Variants in AMMECR1 observed in about 807,000 individuals in gnomAD.
AMMECR1 encodes AMMECR nuclear protein 1, also known as nuclear protein AMMECR1.
A neutral mutation model predicts 22.5 loss-of-function variants in AMMECR1; 3 were observed. The observed-to-expected ratio is 0.13, with a 90% confidence interval of 0.06 to 0.35. The LOEUF (loss-of-function observed/expected upper bound fraction) is 0.35. AMMECR1 is among the 10% of genes least tolerant of loss of function. AMMECR1 has a pLI of 1.00. For missense variants in AMMECR1, 235 were observed against 278.7 expected, an observed-to-expected ratio of 0.84 and a Z score of 1.12; for synonymous variants, 130 against 116.7, an observed-to-expected ratio of 1.11 and a Z score of -0.74.
intron 2 of AMMECR1, among the ~76,000 whole-genome samples, chrX:110,258,802 G>A (rs1043245169): frequency 9.0e-6 from 1 of 111,272 alleles, no homozygotes. Context: ...AAATCAATCT[G>A]GGTGATGCTA....
At chrX:110,437,208 G>A (rs2068845167) in intron 1 of AMMECR1, among the ~76,000 whole-genome samples, 1 of 111,866 alleles carries the variant, frequency 8.9e-6, no homozygotes, top group African/African-American at 3.3e-5. Context: ...GAGATGGTGA[G>A]CCCCTGACCC....
intron 1 of AMMECR1, among the ~76,000 whole-genome samples, chrX:110,270,213 A>G (rs888298188): frequency 6.3e-5 from 7 of 111,850 alleles, no homozygotes; most frequent in Non-Finnish European, 1.3e-4. Flanking sequence ...GGGCTTGGAC[A>G]TAGGAATGTA....
chrX:110,215,503 G>A (rs2067469026), intron 3 of AMMECR1, among the ~76,000 whole-genome samples: 1 of 111,808 alleles, frequency 8.9e-6, no homozygotes, highest in Non-Finnish European at 1.9e-5. Flanking sequence ...TGTCTCCAAG[G>A]CAGAATAGTT....
chrX:110,415,537 T>C (rs2068671282), intron 2 of AMMECR1, among the ~76,000 whole-genome samples: 1 of 111,454 alleles, frequency 9.0e-6, no homozygotes, highest in Admixed American at 9.5e-5. Flanking sequence ...ACAACCAATA[T>C]GTATTGATGC....
At chrX:110,414,878 C>T (rs1383024844) in intron 2 of AMMECR1, among the ~76,000 whole-genome samples, 1 of 112,295 alleles carries the variant, frequency 8.9e-6, no homozygotes, top group Non-Finnish European at 1.9e-5. Context: ...TCACTGCATC[C>T]ACTACCACTT....
intron 1 of AMMECR1, among the ~76,000 whole-genome samples, chrX:110,294,620 T>C (rs1352522145): frequency 2.7e-5 from 3 of 111,930 alleles, no homozygotes; most frequent in Non-Finnish European, 3.8e-5. Flanking sequence ...CCACATTAGT[T>C]CTTTCTCAAA....
At chrX:110,409,419 C>T (rs770022667) in intron 2 of AMMECR1, among the ~76,000 whole-genome samples, 43 of 111,694 alleles carry the variant, frequency 3.8e-4, no homozygotes, top group Middle Eastern at 4.6e-3. Flanking sequence ...TGGTATCAAT[C>T]GTAGGGGCCC....
intron 2 of AMMECR1, among the ~76,000 whole-genome samples, chrX:110,222,311 T>C (rs763252686): frequency 0.035 from 3,125 of 90,059 alleles, 170 homozygotes; most frequent in African/African-American, 0.12. Flanking sequence ...ATGGATGAAA[T>C]TGGAAAACAT....
At chrX:110,387,825 C>T (rs2068466255) in intron 2 of AMMECR1, among the ~76,000 whole-genome samples, 1 of 105,677 alleles carries the variant, frequency 9.5e-6, no homozygotes, top group Non-Finnish European at 1.9e-5. Context: ...TGTTGTTGGA[C>T]GATTTTTGAT....
intron 2 of AMMECR1, among the ~76,000 whole-genome samples, chrX:110,410,765 A>G (rs1313717244): frequency 9.0e-6 from 1 of 111,183 alleles, no homozygotes; most frequent in Admixed American, 9.5e-5. Flanking sequence ...TCGTTTCAAG[A>G]TAACCTTTTG....
chrX:110,247,315 G>A (rs1466126167), intron 2 of AMMECR1, among the ~76,000 whole-genome samples: 2 of 112,284 alleles, frequency 1.8e-5, no homozygotes, highest in African/African-American at 6.5e-5. Flanking sequence ...CAGCACTTTA[G>A]GAGGCCAAGC....
intron 2 of AMMECR1, among the ~76,000 whole-genome samples, chrX:110,411,579 T>G (rs188654361): frequency 1.8e-5 from 2 of 111,755 alleles, no homozygotes; most frequent in Non-Finnish European, 3.8e-5. Flanking sequence ...GTAGAATCTA[T>G]GAAGAAAAAG....
chrX:110,216,553 T>C lies in AMMECR1; in HGVS notation c.664A>G (p.Asn222Asp), dbSNP rs765634990. The C allele has an allele frequency of 1.7e-6, 2 of 1,208,363 alleles. No homozygotes were observed. The highest frequency in any genetic ancestry group is 1.8e-5 in the South Asian group (1 of 56,635). The change falls in exon 3 of 6, where the codon AAC becomes GAC. Residue 222 changes from asparagine to aspartate, a missense_variant. Asn to Asp is a conservative substitution (Grantham distance 23). This residue lies in a region of AMMECR1 where 111 missense variants were observed against 181.7 expected (regional missense o/e 0.61). Transcript: ENST00000262844. ...RLFCSVSLLTNFEDVCDYLDW... is the reference protein window; with the variant it reads ...RLFCSVSLLTDFEDVCDYLDW... The stretch of plus-strand genomic sequence containing the variant: ...AAATAATCACAGACATCTTCAAAGT[T>C]AGTGAGCAGAGACACTGAGCAGAAA...
chrX:110,198,738 C>T (rs185157131), intron 5 of AMMECR1, 104 bp from the exon 6 acceptor site: 338 of 556,704 alleles, frequency 6.1e-4, no homozygotes, highest in Admixed American at 2.4e-3. Flanking sequence ...GATCAGGAAA[C>T]GGGGTCCCAG....
intron 3 of AMMECR1, among the ~76,000 whole-genome samples, chrX:110,211,396 C>A (rs2067447211): frequency 8.9e-6 from 1 of 112,111 alleles, no homozygotes; most frequent in Non-Finnish European, 1.9e-5. Flanking sequence ...AAGTCAAGCT[C>A]CAGTCCATTG....
At chrX:110,298,260 G>A (rs940093143) in intron 1 of AMMECR1, among the ~76,000 whole-genome samples, 1 of 111,277 alleles carries the variant, frequency 9.0e-6, no homozygotes, top group African/African-American at 3.3e-5. Flanking sequence ...GTCTTATAAG[G>A]AATCAAACAT....
At chrX:110,230,221 C>T (rs1016302846) in intron 2 of AMMECR1, among the ~76,000 whole-genome samples, 6 of 112,567 alleles carry the variant, frequency 5.3e-5, no homozygotes, top group Non-Finnish European at 5.6e-5. Context: ...CCCTGACCCC[C>T]GTGTAGCCTA....
chrX:110,242,179 T>A (rs994584675), intron 2 of AMMECR1, among the ~76,000 whole-genome samples: 2 of 111,760 alleles, frequency 1.8e-5, no homozygotes, highest in African/African-American at 6.5e-5. Flanking sequence ...TTTTGCTTGG[T>A]TTGAGGTGAT....
chrX:110,387,320 C>A (rs1327683315), intron 2 of AMMECR1, among the ~76,000 whole-genome samples: 1 of 112,131 alleles, frequency 8.9e-6, no homozygotes, highest in Non-Finnish European at 1.9e-5. Context: ...CTTACAGACA[C>A]GTTTGGTTTG....
Sources: allele counts gnomAD v4.1 joint callset (sites outside exome capture counted in the v4.1 genomes callset), GRCh38; gene constraint gnomAD v4.1.1; regional missense constraint gnomAD v4.1.1; transcripts MANE v1.5; gene names NCBI Gene and HGNC (gene_info 2026-07-23, HGNC 2026-07-21).